WLS: variants seen among roughly 807,000 people sequenced by gnomAD.
The protein encoded by WLS is protein wntless homolog.
In WLS, 23 loss-of-function variants were observed where a neutral mutation model predicts 62.8. The observed-to-expected ratio is 0.37, with a 90% CI of 0.26 to 0.52. The LOEUF is 0.52. Among genes scored for constraint, WLS ranks in the 20% least tolerant of loss-of-function variants. The probability of loss-of-function intolerance (pLI) is 0.92; values close to 1 mark genes in which losing one functional copy is unlikely to be tolerated. For synonymous variants in WLS, 246 were observed against 244.1 expected (o/e 1.01, Z -0.07); for missense variants, 615 against 697.3 (o/e 0.88, Z 1.33).
At chr1:68,136,459 G>A (rs1646611671) in intron 11 of WLS, among the ~76,000 whole-genome samples, 1 of 152,160 alleles carries the variant, frequency 6.6e-6, no homozygotes, top group African/African-American at 2.4e-5. Context: ...GAGATACACT[G>A]CCTAAAGAAA....
chr1:68,105,172 C>A (rs912911966), intron 11 of WLS, among the ~76,000 whole-genome samples: 1 of 152,136 alleles, frequency 6.6e-6, no homozygotes, highest in African/African-American at 2.4e-5. Flanking sequence ...AGCCAGGAGC[C>A]AGGGAGTTTT....
At chr1:68,200,449 T>C (rs995071755) in intron 1 of WLS, among the ~76,000 whole-genome samples, 18 of 137,914 alleles carry the variant, frequency 1.3e-4, no homozygotes. Context: ...TAAAAATAAT[T>C]GGGACTGATT....
At chr1:68,101,123 C>T (rs1282832628) in intron 11 of WLS, among the ~76,000 whole-genome samples, 5 of 152,126 alleles carry the variant, frequency 3.3e-5, no homozygotes, top group Non-Finnish European at 1.5e-5. Context: ...CAGGCTGTAA[C>T]CTTTTGTTAG....
intron 9 of WLS, 27 bp downstream of exon 9, chr1:68,145,841 TC>T: frequency 6.2e-7 from 1 of 1,613,634 alleles, no homozygotes; most frequent in African/African-American, 1.3e-5. Context: ...AAGCACCAGT[TC>T]CAGAACGAGC....
intron 2 of WLS, 136 bp from the exon 3 acceptor site, chr1:68,159,383 A>C: frequency 8.5e-7 from 1 of 1,171,966 alleles, no homozygotes; most frequent in Non-Finnish European, 1.2e-6. Flanking sequence ...CAAACTCCAA[A>C]CCTGAAGACT....
chr1:68,135,402 G>A (rs1324134371), intron 11 of WLS, among the ~76,000 whole-genome samples: 2 of 137,892 alleles, frequency 1.5e-5, no homozygotes, highest in Non-Finnish European at 3.0e-5. Flanking sequence ...CTCCAGCCTT[G>A]GCCTCCCAAA....
At chr1:68,210,048 T>C (rs917398959) in intron 1 of WLS, among the ~76,000 whole-genome samples, 1 of 152,208 alleles carries the variant, frequency 6.6e-6, no homozygotes, top group African/African-American at 2.4e-5. Flanking sequence ...GTATGGACTA[T>C]TGTAGAGGTT....
chr1:68,225,621 GGCT>G (rs1650110856), intron 1 of WLS, among the ~76,000 whole-genome samples: 1 of 152,110 alleles, frequency 6.6e-6, no homozygotes, highest in African/African-American at 2.4e-5. Flanking sequence ...CTGCTGTCAG[GGCT>G]GCTGTTTGTA....
At chr1:68,214,963 G>C (rs1649667837) in intron 1 of WLS, among the ~76,000 whole-genome samples, 1 of 152,140 alleles carries the variant, frequency 6.6e-6, no homozygotes, top group Non-Finnish European at 1.5e-5. Flanking sequence ...GAAAAAGAGA[G>C]GACATCTCTT....
chr1:68,213,587 G>A (rs2566775), intron 1 of WLS, among the ~76,000 whole-genome samples: 144,631 of 152,150 alleles, frequency 0.95, 69,202 homozygotes, highest in East Asian at 1. Flanking sequence ...TTATTAATTT[G>A]GCACCTTGAG....
At chr1:68,118,611 C>T (rs546529111) in intron 11 of WLS, among the ~76,000 whole-genome samples, 1 of 150,618 alleles carries the variant, frequency 6.6e-6, no homozygotes, top group Non-Finnish European at 1.5e-5. Flanking sequence ...TGTGGTGGCT[C>T]ACGCCTGTAA....
At chr1:68,107,299 T>A (rs1243209371) in intron 11 of WLS, among the ~76,000 whole-genome samples, 2 of 25,650 alleles carry the variant, frequency 7.8e-5, no homozygotes, top group South Asian at 7.3e-4. Context: ...ATAGCTAGAT[T>A]TTTTTTTTTT....
At chr1:68,178,369 A>T (rs918248698) in intron 2 of WLS, among the ~76,000 whole-genome samples, 3 of 152,184 alleles carry the variant, frequency 2.0e-5, no homozygotes, top group African/African-American at 7.2e-5. Context: ...TGTGCTAAGG[A>T]TATAACAATG....
At position 68,145,869 on chromosome 1, in the gene WLS, C is replaced by T. The variant is rs1646746196; in HGVS notation, c.1278G>A (p.Glu426=). 1 of 1,614,098 alleles carries T rather than the reference C, an allele frequency of 6.2e-7. No individual in the cohort carries two copies. Among genetic ancestry groups the T allele is most frequent in the Non-Finnish European group, 8.5e-7 (1 of 1,180,004 alleles). Residue 426 remains glutamate (E), a splice_region_variant and synonymous_variant, in exon 9 of 12, where the codon GAG becomes GAA. Coordinates refer to ENST00000262348, the MANE Select transcript of WLS (RefSeq NM_024911.7). ...AGAACGAGCCAAGAAATCTGCCCACCTCATAGTGTAGCCGCCGGACTTTGC... is the reference window on the plus strand; with the variant it reads ...AGAACGAGCCAAGAAATCTGCCCACTTCATAGTGTAGCCGCCGGACTTTGC... ...AMSKVRRLHY[E]GLIFRFKFLM... is the part of the protein sequence containing the mutation.
intron 2 of WLS, chr1:68,162,397 A>T: frequency 6.2e-7 from 1 of 1,613,918 alleles, no homozygotes; most frequent in Non-Finnish European, 8.5e-7. Context: ...CTGATACAGC[A>T]AATCCTACAG....
At chr1:68,102,171 T>A (rs1468809639) in intron 11 of WLS, among the ~76,000 whole-genome samples, 1 of 152,158 alleles carries the variant, frequency 6.6e-6, no homozygotes, top group Non-Finnish European at 1.5e-5. Context: ...AGAGGAAACA[T>A]TTCTCCTCCT....
At chr1:68,131,540 C>T (rs1265972779) in intron 11 of WLS, among the ~76,000 whole-genome samples, 1 of 152,054 alleles carries the variant, frequency 6.6e-6, no homozygotes, top group African/African-American at 2.4e-5. Context: ...GTCATTTATT[C>T]CAGGCTTGGA....
intron 11 of WLS, among the ~76,000 whole-genome samples, chr1:68,133,646 G>A (rs1043155999): frequency 2.0e-4 from 31 of 152,196 alleles, no homozygotes; most frequent in African/African-American, 7.0e-4. Context: ...AAATATATGA[G>A]AAAATGCTCT....
Position 68,148,631 on chromosome 1 carries a change from C to A in WLS, c.1002G>T (p.Gly334=). The change falls in exon 7 of 12, where the codon GGG becomes GGT. Residue 334 remains glycine (G), a synonymous_variant. Coordinates refer to ENST00000262348, the MANE Select transcript of WLS (RefSeq NM_024911.7). ...MDQHERNHIA[G]YWKQVGPIAV... is the part of the protein sequence containing the mutation. The stretch of plus-strand genomic sequence containing the variant: ...CAATGGGTCCGACTTGCTTCCAATA[C>A]CCTGCGATGTGGTTCCGCTCGTGCT... 2 of 1,614,090 alleles carry A rather than the reference C, an allele frequency of 1.2e-6. No homozygotes were observed. Among genetic ancestry groups the A allele is most frequent in the East Asian group, 2.2e-5 (1 of 44,886 alleles).
Sources: allele counts gnomAD v4.1 joint callset (sites outside exome capture counted in the v4.1 genomes callset), GRCh38; gene constraint gnomAD v4.1.1; transcripts MANE v1.5; gene names NCBI Gene and HGNC (gene_info 2026-07-23, HGNC 2026-07-21).